IGFBP7: variants seen among roughly 807,000 people sequenced by gnomAD.
IGFBP7 encodes the protein insulin like growth factor binding protein 7.
A neutral mutation model predicts 29.4 loss-of-function variants in IGFBP7; 31 were observed. The observed-to-expected ratio is 1.05, with a 90% CI of 0.79 to 1.42. The LOEUF is 1.42. IGFBP7 is among the 40% of genes most tolerant of loss of function. The probability of loss-of-function intolerance (pLI) is 0.00; values close to 1 mark genes in which losing one functional copy is unlikely to be tolerated. For missense variants in IGFBP7, 393 were observed against 395.5 expected, an observed-to-expected ratio of 0.99 and a Z score of 0.05; for synonymous variants, 172 against 174.9, an observed-to-expected ratio of 0.98 and a Z score of 0.13.
chr4:57,055,662 T>C lies in IGFBP7; in HGVS notation c.476-14729A>G, dbSNP rs11573092. 1.2e-3 allele frequency among the ~76,000 whole-genome samples: 188 copies of C among 152,194 alleles called. 1 individual carries two copies. In the East Asian group the frequency reaches 0.02, roughly 16 times the overall value. ...GGTCATCGCGGTTCTCCTGGACTGC[T>C]TTCCATTTTCATAAAATAGGGCAGT... On this transcript the variant is annotated intron_variant, in intron 1 of 4. Transcript: ENST00000295666.
chr4:57,075,534 C>T (rs1543179), intron 1 of IGFBP7, among the ~76,000 whole-genome samples: 117,733 of 151,946 alleles, frequency 0.77, 45,896 homozygotes, highest in East Asian at 0.97. Context: ...TGAACTAGAA[C>T]ATTGTCAGAT....
chr4:57,047,869 G>A (rs1034993333), intron 1 of IGFBP7, among the ~76,000 whole-genome samples: 11 of 152,142 alleles, frequency 7.2e-5, no homozygotes, highest in African/African-American at 2.7e-4. Context: ...CAAATAGCTA[G>A]GACTGCAGGT....
chr4:57,058,688 G>A (rs1190882905), intron 1 of IGFBP7, among the ~76,000 whole-genome samples: 1 of 152,144 alleles, frequency 6.6e-6, no homozygotes, highest in Non-Finnish European at 1.5e-5. Context: ...ATAGGAACAG[G>A]TAAATATTTC....
At chr4:57,033,100 C>T (rs1723982462) in intron 3 of IGFBP7, 95 bp downstream of exon 3, 2 of 868,556 alleles carry the variant, frequency 2.3e-6, no homozygotes, top group Non-Finnish European at 4.0e-6. Context: ...GAGCAAGCAC[C>T]TTTAGGCTGG....
chr4:57,090,258 T>C (rs753767766), intron 1 of IGFBP7, among the ~76,000 whole-genome samples: 5 of 152,242 alleles, frequency 3.3e-5, no homozygotes, highest in Non-Finnish European at 7.3e-5. Context: ...CTTCACTCTT[T>C]GTTTGCGTAA....
chr4:57,031,193 TA>T lies in IGFBP7; in HGVS notation c.*123del. 1 of 872,086 alleles carries T rather than the reference TA, an allele frequency of 1.1e-6. No homozygotes were observed. The allele number at this position is 872,086 out of a possible 1,614,324, so 54.0% of individuals were successfully genotyped here. A position where few individuals can be genotyped will look rare whatever the true frequency, so the allele number is the denominator to read the frequency against. ...GATCTTTATTTTGTATTTCTCTGTG[TA>T]AAACCAGTGAATATAACTAAAGTGT... On this transcript the variant is annotated 3_prime_UTR_variant, in exon 5 of 5. Coordinates refer to ENST00000295666, the MANE Select transcript of IGFBP7 (RefSeq NM_001553.3).
chr4:57,049,068 C>T (rs1724437039), intron 1 of IGFBP7, among the ~76,000 whole-genome samples: 1 of 152,134 alleles, frequency 6.6e-6, no homozygotes, highest in Non-Finnish European at 1.5e-5. Context: ...CTCTGCAAAT[C>T]AGTTCAATGC....
chr4:57,043,345 C>T (rs184426723), intron 1 of IGFBP7, among the ~76,000 whole-genome samples: 2 of 152,294 alleles, frequency 1.3e-5, no homozygotes, highest in Admixed American at 6.5e-5. Context: ...TCTCTGCTGA[C>T]TTGGGTCTCC....
At chr4:57,049,333 CTATA>C (rs1724444072) in intron 1 of IGFBP7, among the ~76,000 whole-genome samples, 1 of 152,116 alleles carries the variant, frequency 6.6e-6, no homozygotes, top group Non-Finnish European at 1.5e-5. Flanking sequence ...TCATATTGTA[CTATA>C]TATTTTTTGC....
chr4:57,077,316 C>T (rs901595469), intron 1 of IGFBP7, among the ~76,000 whole-genome samples: 7 of 152,142 alleles, frequency 4.6e-5, no homozygotes, highest in African/African-American at 7.2e-5. Context: ...CTCTGTCTGT[C>T]GCCCAGGCTG....
intron 1 of IGFBP7, among the ~76,000 whole-genome samples, chr4:57,106,030 C>A (rs1028633147): frequency 6.6e-6 from 1 of 151,560 alleles, no homozygotes; most frequent in Non-Finnish European, 1.5e-5. Context: ...CCTCAGCCTC[C>A]CGAGTAGCTG....
intron 1 of IGFBP7, among the ~76,000 whole-genome samples, chr4:57,054,291 C>T (rs1019376532): frequency 4.7e-5 from 7 of 149,438 alleles, no homozygotes; most frequent in Non-Finnish European, 8.9e-5. Flanking sequence ...AGTCTCTATC[C>T]GTAGGCCCTG....
chr4:57,040,614 C>G (rs554980404), intron 2 of IGFBP7, among the ~76,000 whole-genome samples: 1 of 152,346 alleles, frequency 6.6e-6, no homozygotes, highest in African/African-American at 2.4e-5. Flanking sequence ...TCCAGTTTCT[C>G]AGATTCTAGG....
At chr4:57,041,660 C>T (rs1261103094) in intron 1 of IGFBP7, among the ~76,000 whole-genome samples, 5 of 152,108 alleles carry the variant, frequency 3.3e-5, no homozygotes, top group Admixed American at 6.5e-5. Flanking sequence ...CCCAGCCTCC[C>T]GAGTAGCTGG....
intron 1 of IGFBP7, among the ~76,000 whole-genome samples, chr4:57,100,071 C>T (rs114811914): frequency 2.0e-3 from 227 of 115,712 alleles, no homozygotes; most frequent in Admixed American, 4.8e-3. Context: ...TCTTTTCTTT[C>T]TTTTTTTTTT....
At chr4:57,069,381 T>C (rs1725000634) in intron 1 of IGFBP7, among the ~76,000 whole-genome samples, 1 of 151,958 alleles carries the variant, frequency 6.6e-6, no homozygotes, top group South Asian at 2.1e-4. Flanking sequence ...TGGGGCCAGA[T>C]GTTCGAGACC....
Position 57,056,209 on chromosome 4 carries a change from T to A in IGFBP7, c.476-15276A>T, listed in dbSNP as rs545847418. Reference sequence around the variant, plus strand: ...GAAAAGCTGTCTGTTATCTATCCCATCCTTTGCTCATGCATTCTTTGCTGA... The same window carrying A: ...GAAAAGCTGTCTGTTATCTATCCCAACCTTTGCTCATGCATTCTTTGCTGA... On this transcript the variant is annotated intron_variant, in intron 1 of 4. Coordinates refer to ENST00000295666, the MANE Select transcript of IGFBP7 (RefSeq NM_001553.3). Among the ~76,000 whole-genome samples the A allele has an allele frequency of 5.3e-5, 8 of 152,288 alleles. No homozygotes were observed. In the South Asian group the frequency reaches 1.7e-3, roughly 32 times the overall value.
intron 1 of IGFBP7, among the ~76,000 whole-genome samples, chr4:57,096,632 C>T (rs1725769625): frequency 2.6e-5 from 4 of 152,118 alleles, no homozygotes; most frequent in Non-Finnish European, 4.4e-5. Context: ...TCAGTAGTCC[C>T]AATGTTCTGC....
chr4:57,069,610 G>A (rs1242660004), intron 1 of IGFBP7, among the ~76,000 whole-genome samples: 1 of 152,040 alleles, frequency 6.6e-6, no homozygotes, highest in Non-Finnish European at 1.5e-5. Flanking sequence ...GCTTCAGTGA[G>A]CCATGATGTC....
Sources: gnomAD v4.1 joint callset for allele counts (sites outside exome capture counted in the v4.1 genomes callset) on GRCh38, gnomAD v4.1.1 for gene constraint, MANE v1.5 for transcripts, NCBI Gene and HGNC (gene_info 2026-07-23, HGNC 2026-07-21) for gene names.